MID1: variants seen among roughly 807,000 people sequenced by gnomAD.
MID1 encodes the protein midline 1.
A neutral mutation model predicts 40.4 loss-of-function variants in MID1; 7 were observed. The ratio of observed to expected loss-of-function variants is 0.17; its 90% CI spans 0.10 to 0.33. MID1 has a LOEUF of 0.33. Ranked by LOEUF, MID1 falls within the 10% of genes least tolerant of loss-of-function variation. The pLI, the probability that MID1 is intolerant of heterozygous loss-of-function variation, is 1.00. For missense variants in MID1, 367 were observed against 558.5 expected (o/e 0.66, Z 3.46); for synonymous variants, 229 against 221.2 (o/e 1.04, Z -0.31).
intron 1 of MID1, among the ~76,000 whole-genome samples, chrX:10,646,585 A>C (rs955869656): frequency 4.5e-5 from 5 of 111,666 alleles, no homozygotes; most frequent in African/African-American, 1.3e-4. Flanking sequence ...GAAGTTTTAA[A>C]GTTCAGGAGA....
chrX:10,781,952 G>A (rs1035960221), intron 1 of MID1, among the ~76,000 whole-genome samples: 4 of 111,797 alleles, frequency 3.6e-5, no homozygotes, highest in Admixed American at 1.9e-4. Flanking sequence ...CATCTCACAT[G>A]CAAATAATCT....
At position 10,452,327 on chromosome X, in the gene MID1, G is replaced by T. The variant is rs1454147816; in HGVS notation, c.1655+2543C>A. 3.7e-4 allele frequency among the ~76,000 whole-genome samples: 41 copies of T among 111,940 alleles called. No individual in the cohort carries two copies. The Admixed American group carries it at 3.9e-3, about 11-fold the overall frequency. On this transcript the variant is annotated intron_variant, in intron 9 of 9. Coordinates refer to ENST00000317552, the MANE Select transcript of MID1 (RefSeq NM_000381.4). ...ACCAAGTGCACATTAGCATTAGAGA[G>T]TAAGAAAATACTAAGTGTATAGTCC...
At chrX:10,548,493 T>A in intron 2 of MID1, among the ~76,000 whole-genome samples, 1 of 112,263 alleles carries the variant, frequency 8.9e-6, no homozygotes, top group East Asian at 2.8e-4. Flanking sequence ...CAGTTTTGTT[T>A]TTTCAGGACA....
At position 10,514,947 on chromosome X, in the gene MID1, G is replaced by A. The variant is rs1932328311; in HGVS notation, c.756+8145C>T. ...ATTCTCACAGGGGGTCAGATCGGGT[G>A]GGAATCTGACCCTCATCTGCAAGTG... On this transcript the variant is annotated intron_variant, in intron 3 of 9. Transcript: ENST00000317552. Among the ~76,000 whole-genome samples, 4 of 111,562 alleles carry A rather than the reference G, an allele frequency of 3.6e-5. No individual in the cohort carries two copies. In the South Asian group the frequency reaches 1.5e-3, roughly 42 times the overall value.
At chrX:10,648,747 C>T (rs1474482638) in intron 1 of MID1, among the ~76,000 whole-genome samples, 2 of 111,163 alleles carry the variant, frequency 1.8e-5, no homozygotes, top group Non-Finnish European at 3.8e-5. Flanking sequence ...CCCAGCTTCC[C>T]GTGTTGTTAG....
At chrX:10,655,865 A>C (rs1426398632) in intron 1 of MID1, among the ~76,000 whole-genome samples, 1 of 110,630 alleles carries the variant, frequency 9.0e-6, no homozygotes, top group Non-Finnish European at 1.9e-5. Flanking sequence ...TGTTTTCTAG[A>C]TCCACCAGCC....
At chrX:10,831,830 T>C (rs180753285) in intron 1 of MID1, among the ~76,000 whole-genome samples, 117 of 112,118 alleles carry the variant, frequency 1.0e-3, no homozygotes, top group Middle Eastern at 9.1e-3. Flanking sequence ...TGGTTATATA[T>C]TCCCTTGGCT....
chrX:10,818,228 C>T (rs1390519719), intron 1 of MID1, among the ~76,000 whole-genome samples: 1 of 112,069 alleles, frequency 8.9e-6, no homozygotes, highest in Non-Finnish European at 1.9e-5. Context: ...GAATTTGTCT[C>T]CAGACAAAAC....
rs952000625 is a variant in MID1, at chrX:10,763,163, A to G, written c.-187+70391T>C. Among the ~76,000 whole-genome samples, 15 of 98,682 alleles carry G rather than the reference A, an allele frequency of 1.5e-4. No individual in the cohort carries two copies. The South Asian group carries it at 3.9e-3, about 26-fold the overall frequency. 85.7% of individuals were successfully genotyped at this position (98,682 alleles called of 115,157 possible). Reference sequence around the variant, plus strand: ...TTTTTTTTTTTTGCCCTTTTTATTTATTTATTTATTTTTATTATACTTTAA... The same window carrying G: ...TTTTTTTTTTTTGCCCTTTTTATTTGTTTATTTATTTTTATTATACTTTAA... On this transcript the variant is annotated intron_variant, in intron 1 of 10. Transcript: ENST00000380785.
chrX:10,777,053 G>C (rs927959166), intron 1 of MID1, among the ~76,000 whole-genome samples: 1 of 111,998 alleles, frequency 8.9e-6, no homozygotes, highest in Admixed American at 9.5e-5. Context: ...GCTTTGCAAC[G>C]AGGTTATTTC....
chrX:10,603,404 C>A (rs1268722942), intron 1 of MID1, among the ~76,000 whole-genome samples: 1 of 112,163 alleles, frequency 8.9e-6, no homozygotes, highest in Admixed American at 9.5e-5. Context: ...AAAGTCTCTA[C>A]AATCCAGGCA....
intron 1 of MID1, among the ~76,000 whole-genome samples, chrX:10,755,106 T>G (rs1340732299): frequency 9.0e-6 from 1 of 111,686 alleles, no homozygotes; most frequent in Non-Finnish European, 1.9e-5. Context: ...ATTTAGCTAG[T>G]TATAAGTTGG....
intron 2 of MID1, among the ~76,000 whole-genome samples, chrX:10,532,804 A>T (rs1396421527): frequency 9.4e-6 from 1 of 106,857 alleles, no homozygotes; most frequent in East Asian, 3.0e-4. Context: ...TTTCACTCTT[A>T]TTGCCCAGGC....
intron 1 of MID1, among the ~76,000 whole-genome samples, chrX:10,756,937 T>C (rs1487802180): frequency 9.0e-6 from 1 of 111,595 alleles, no homozygotes; most frequent in African/African-American, 3.3e-5. Flanking sequence ...TTGAAGGTGC[T>C]CTCACCATGT....
chrX:10,786,501 A>G (rs1295211969), intron 1 of MID1, among the ~76,000 whole-genome samples: 4 of 111,512 alleles, frequency 3.6e-5, no homozygotes, highest in African/African-American at 1.3e-4. Context: ...TCATGCTGGT[A>G]TAAAGACACA....
chrX:10,457,557 T>C (rs894371709), intron 8 of MID1, among the ~76,000 whole-genome samples: 5 of 112,412 alleles, frequency 4.4e-5, no homozygotes, highest in African/African-American at 1.6e-4. Context: ...CAATAATCTT[T>C]TGATACTGTG....
intron 1 of MID1, among the ~76,000 whole-genome samples, chrX:10,608,984 T>C (rs755640778): frequency 4.5e-5 from 5 of 112,222 alleles, no homozygotes; most frequent in Non-Finnish European, 9.4e-5. Context: ...AGGAAAAATA[T>C]GCTTTTTTGG....
At chrX:10,810,157 C>T (rs369114468) in intron 1 of MID1, among the ~76,000 whole-genome samples, 3 of 111,644 alleles carry the variant, frequency 2.7e-5, no homozygotes, top group East Asian at 5.6e-4. Context: ...GTTCATTAGA[C>T]AAGAACTTCC....
Position 10,445,920 on chromosome X carries a change from TTA to T in MID1, c.*3446_*3447del, listed in dbSNP as rs1011444986. On this transcript the variant is annotated 3_prime_UTR_variant, in exon 10 of 10. Transcript: ENST00000317552. ...CAATGACAGGAAAAGTGAAAGGTTTTTATGAGAGTTTTGCATTAAAAGAAAAC... is the reference window on the plus strand; with the variant it reads ...CAATGACAGGAAAAGTGAAAGGTTTTTGAGAGTTTTGCATTAAAAGAAAAC... 9.0e-6 allele frequency: 1 copy of T among 111,726 alleles called. No individual in the cohort carries two copies. Among genetic ancestry groups the T allele is most frequent in the African/African-American group, 3.3e-5 (1 of 30,670 alleles). The allele number at this position is 111,726 out of a possible 1,213,427, so 9.2% of individuals were successfully genotyped here. A position where few individuals can be genotyped will look rare whatever the true frequency, so the allele number is the denominator to read the frequency against.
Sources: gnomAD v4.1 joint callset for allele counts (sites outside exome capture counted in the v4.1 genomes callset) on GRCh38, gnomAD v4.1.1 for gene constraint, MANE v1.5 for transcripts, NCBI Gene and HGNC (gene_info 2026-07-23, HGNC 2026-07-21) for gene names.